Variants in AFF3 observed in about 807,000 individuals in gnomAD.
The protein encoded by AFF3 is AF4/FMR2 family member 3.
AFF3 carries 32 observed loss-of-function variants against 129.7 expected under a neutral mutation model. That is an observed-to-expected ratio of 0.25 (90% CI 0.19 to 0.33). The LOEUF (loss-of-function observed/expected upper bound fraction) is 0.33, where lower values mean the gene tolerates loss of function less well. AFF3 is among the 10% of genes least tolerant of loss of function. AFF3 has a pLI of 1.00. For missense variants in AFF3, 1,373 were observed against 1,592.0 expected, an observed-to-expected ratio of 0.86 and a Z score of 2.34; for synonymous variants, 644 against 635.4, an observed-to-expected ratio of 1.01 and a Z score of -0.20.
At chr2:100,139,284 A>G (rs1316716922) in intron 1 of AFF3, among the ~76,000 whole-genome samples, 2 of 152,186 alleles carry the variant, frequency 1.3e-5, no homozygotes, top group Non-Finnish European at 2.9e-5. Context: ...GCATTTTACT[A>G]GTTATCTGAT....
At chr2:99,615,248 G>A (rs765349967) in intron 13 of AFF3, among the ~76,000 whole-genome samples, 12 of 152,210 alleles carry the variant, frequency 7.9e-5, no homozygotes, top group Admixed American at 2.6e-4. Flanking sequence ...CCTGGAGGAC[G>A]CCAGGCTTGT....
intron 7 of AFF3, among the ~76,000 whole-genome samples, chr2:99,860,768 T>C (rs1386466698): frequency 6.6e-6 from 1 of 151,954 alleles, no homozygotes; most frequent in South Asian, 2.1e-4. Flanking sequence ...AAGTAGTGTA[T>C]ATAATTCAAG....
At chr2:99,954,528 A>G (rs530366322) in intron 7 of AFF3, among the ~76,000 whole-genome samples, 144 of 152,250 alleles carry the variant, frequency 9.5e-4, no homozygotes, top group Non-Finnish European at 1.2e-3. Context: ...ATGTCCAACA[A>G]TGATAGACTG....
chr2:100,128,057 T>A (rs1477219043), intron 2 of AFF3, among the ~76,000 whole-genome samples: 1 of 152,142 alleles, frequency 6.6e-6, no homozygotes, highest in Non-Finnish European at 1.5e-5. Context: ...ACCAGCACCA[T>A]GACAGTTTAC....
At chr2:99,852,234 C>T (rs969734823) in intron 7 of AFF3, among the ~76,000 whole-genome samples, 2 of 152,118 alleles carry the variant, frequency 1.3e-5, no homozygotes, top group African/African-American at 4.8e-5. Context: ...TTCCTGCTTT[C>T]AATCTGTTAA....
At chr2:99,979,299 C>T (rs1328204990) in intron 7 of AFF3, among the ~76,000 whole-genome samples, 1 of 152,038 alleles carries the variant, frequency 6.6e-6, no homozygotes, top group African/African-American at 2.4e-5. Context: ...TAGTGAGAGG[C>T]AGCCTGTGAG....
At chr2:99,813,043 A>AC in intron 8 of AFF3, among the ~76,000 whole-genome samples, 1 of 152,218 alleles carries the variant, frequency 6.6e-6, no homozygotes, top group Non-Finnish European at 1.5e-5. Flanking sequence ...CCAAAAAAAA[A>AC]AAGATAATCA....
intron 7 of AFF3, among the ~76,000 whole-genome samples, chr2:99,907,557 T>C (rs1046499095): frequency 4.0e-5 from 6 of 151,762 alleles, no homozygotes. Context: ...TTTTTTTTTC[T>C]CATTCAAAGT....
At chr2:99,970,580 G>A (rs1248490659) in intron 7 of AFF3, among the ~76,000 whole-genome samples, 1 of 152,050 alleles carries the variant, frequency 6.6e-6, no homozygotes, top group Non-Finnish European at 1.5e-5. Context: ...CCACAGAAAC[G>A]AGCCTTCCTC....
At chr2:99,756,971 T>C (rs1213825792) in intron 8 of AFF3, among the ~76,000 whole-genome samples, 2 of 152,212 alleles carry the variant, frequency 1.3e-5, no homozygotes, top group African/African-American at 4.8e-5. Flanking sequence ...CCTTCTGTTG[T>C]CAAGGGCATT....
At chr2:99,896,738 C>T (rs1235688649) in intron 7 of AFF3, among the ~76,000 whole-genome samples, 4 of 141,700 alleles carry the variant, frequency 2.8e-5, no homozygotes, top group Non-Finnish European at 6.0e-5. Flanking sequence ...CAGGTTCAAG[C>T]GATTCTCCTC....
At chr2:100,033,789 A>C (rs1311413928) in intron 4 of AFF3, among the ~76,000 whole-genome samples, 1 of 152,176 alleles carries the variant, frequency 6.6e-6, no homozygotes, top group Non-Finnish European at 1.5e-5. Flanking sequence ...TTATAATACA[A>C]TGTTCCACAT....
intron 8 of AFF3, among the ~76,000 whole-genome samples, chr2:99,769,439 A>T (rs1420501340): frequency 6.6e-6 from 1 of 152,234 alleles, no homozygotes; most frequent in Non-Finnish European, 1.5e-5. Flanking sequence ...TCCTCAGAAC[A>T]GCCATTTTGA....
Position 99,677,479 on chromosome 2 carries a change from G to T in AFF3, c.1092-4890C>A, listed in dbSNP as rs58744992. ...TTTTAACGTGCGATTAAGCGATTGA[G>T]ATTCCACCTATTTTTACTTGGGAAC... is the stretch of plus-strand genomic sequence containing the variant. On this transcript the variant is annotated intron_variant, in intron 11 of 24. Coordinates refer to ENST00000672756, the MANE Select transcript of AFF3 (RefSeq NM_001386135.1). Among the ~76,000 whole-genome samples the T allele has an allele frequency of 1.3e-5, 2 of 152,112 alleles. 1 individual carries two copies. Among genetic ancestry groups the T allele is most frequent in the East Asian group, 3.9e-4 (2 of 5,170 alleles).
intron 2 of AFF3, among the ~76,000 whole-genome samples, chr2:100,121,346 T>C (rs1691956826): frequency 6.6e-6 from 1 of 152,174 alleles, no homozygotes; most frequent in Admixed American, 6.5e-5. Flanking sequence ...CTTGATAGTG[T>C]AGCTTTGGAG....
chr2:100,105,322 G>T (rs1309106807), intron 3 of AFF3, 182 bp downstream of exon 3: 2 of 1,202,606 alleles, frequency 1.7e-6, no homozygotes, highest in East Asian at 5.7e-5. Context: ...CCGCAGCAGC[G>T]CCCCAAACAA....
chr2:99,894,960 C>T (rs1279448213), intron 7 of AFF3, among the ~76,000 whole-genome samples: 2 of 152,180 alleles, frequency 1.3e-5, no homozygotes, highest in Non-Finnish European at 2.9e-5. Context: ...TGGAACCACG[C>T]TATGTACAGG....
chr2:99,752,610 G>A (rs151184097), intron 8 of AFF3, among the ~76,000 whole-genome samples: 158 of 152,212 alleles, frequency 1.0e-3, no homozygotes, highest in African/African-American at 3.7e-3. Context: ...AAAGTTCTAT[G>A]GAAAATGCCA....
Position 99,618,224 on chromosome 2 carries a change from CTTTT to C in AFF3, c.1185-16607_1185-16604del, listed in dbSNP as rs70940180. On this transcript the variant is annotated intron_variant, in intron 13 of 24. Transcript: ENST00000672756. ...TAGATGAGAAAATGCTCATAACATT[CTTTT>C]TTTTTTTTTTTTTTTTTTTTTTTTT... Among the ~76,000 whole-genome samples the C allele has an allele frequency of 5.5e-4, 44 of 80,064 alleles. 1 individual carries two copies. Among genetic ancestry groups the C allele is most frequent in the African/African-American group, 2.3e-3 (41 of 17,674 alleles). The allele number at this position is 80,064 out of a possible 152,430, so 52.5% of individuals were successfully genotyped here. A position where few individuals can be genotyped will look rare whatever the true frequency, so the allele number is the denominator to read the frequency against.
Sources: allele counts gnomAD v4.1 joint callset (sites outside exome capture counted in the v4.1 genomes callset), GRCh38; gene constraint gnomAD v4.1.1; transcripts MANE v1.5; gene names NCBI Gene and HGNC (gene_info 2026-07-23, HGNC 2026-07-21).